Variants in RARB observed in about 807,000 individuals in gnomAD.
RARB encodes the protein retinoic acid receptor beta.
Under a neutral mutation model 51.9 loss-of-function variants are expected in RARB, and 17 were observed. The observed-to-expected ratio is 0.33, with a 90% CI of 0.22 to 0.49. The LOEUF (loss-of-function observed/expected upper bound fraction) is 0.49. RARB is among the 20% of genes least tolerant of loss of function. The pLI is 0.99. For missense variants in RARB, 369 were observed against 550.8 expected, an observed-to-expected ratio of 0.67 and a Z score of 3.30; for synonymous variants, 215 against 195.4, an observed-to-expected ratio of 1.10 and a Z score of -0.84.
chr3:25,115,632 T>C (rs143823930), intron 3 of RARB, among the ~76,000 whole-genome samples: 3 of 151,596 alleles, frequency 2.0e-5, no homozygotes, highest in Admixed American at 6.6e-5. Context: ...TTCTTTTTTT[T>C]CCTTTCTTTT....
At chr3:25,157,498 G>A (rs1700398233) in intron 4 of RARB, among the ~76,000 whole-genome samples, 1 of 151,888 alleles carries the variant, frequency 6.6e-6, no homozygotes, top group African/African-American at 2.4e-5. Flanking sequence ...CAGCCTCCCA[G>A]GTGATTCTCC....
intron 2 of RARB, among the ~76,000 whole-genome samples, chr3:24,960,551 G>A (rs1696116999): frequency 6.6e-6 from 1 of 152,130 alleles, no homozygotes; most frequent in African/African-American, 2.4e-5. Context: ...CAGAGGAAGT[G>A]GTGACAAGAG....
At chr3:24,893,578 G>T (rs893438044) in intron 2 of RARB, among the ~76,000 whole-genome samples, 5 of 152,124 alleles carry the variant, frequency 3.3e-5, no homozygotes, top group African/African-American at 1.2e-4. Flanking sequence ...CTGGAGTGCA[G>T]TAGATCATAG....
intron 2 of RARB, among the ~76,000 whole-genome samples, chr3:25,486,421 A>G (rs1423272313): frequency 6.6e-6 from 1 of 152,206 alleles, no homozygotes; most frequent in Non-Finnish European, 1.5e-5. Context: ...GGGTAGAGGT[A>G]GAAGTCACTT....
At chr3:25,374,195 A>G (rs901834885) in intron 5 of RARB, among the ~76,000 whole-genome samples, 3 of 152,100 alleles carry the variant, frequency 2.0e-5, no homozygotes, top group African/African-American at 7.2e-5. Context: ...TAGAGAGCAC[A>G]GTAACACACG....
chr3:25,264,990 T>C (rs1342681170), intron 5 of RARB, among the ~76,000 whole-genome samples: 2 of 152,286 alleles, frequency 1.3e-5, no homozygotes, highest in East Asian at 3.9e-4. Context: ...GATAAAGCTC[T>C]CAGAAATAGT....
At position 24,878,917 on chromosome 3, in the gene RARB, A is replaced by G. The variant is rs897323579; in HGVS notation, c.-380+20165A>G. Among the ~76,000 whole-genome samples the G allele has an allele frequency of 3.3e-5, 5 of 152,284 alleles. No homozygotes were observed. In the South Asian group the frequency reaches 6.2e-4, roughly 19 times the overall value. On this transcript the variant is annotated intron_variant, in intron 2 of 11. Transcript: ENST00000383772. ...TATTTCATTTTTATTTTTCAAATTT[A>G]TTTAGTTGTAAAATTTCTCATTTTT... is the stretch of plus-strand genomic sequence containing the variant.
At chr3:25,380,767 G>T (rs575424121) in intron 5 of RARB, among the ~76,000 whole-genome samples, 2 of 152,026 alleles carry the variant, frequency 1.3e-5, no homozygotes, top group Admixed American at 6.6e-5. Flanking sequence ...AGCATCTTTC[G>T]TCTCCCTCCC....
chr3:25,009,935 C>G (rs536225924), intron 2 of RARB, among the ~76,000 whole-genome samples: 1 of 152,224 alleles, frequency 6.6e-6, no homozygotes, highest in East Asian at 1.9e-4. Context: ...TCAGGGACAG[C>G]ACTGACGTCA....
At chr3:25,330,329 T>C (rs1287751663) in intron 5 of RARB, among the ~76,000 whole-genome samples, 1 of 152,192 alleles carries the variant, frequency 6.6e-6, no homozygotes, top group East Asian at 1.9e-4. Context: ...GCAGACACTC[T>C]GCAAGCCAGA....
intron 5 of RARB, among the ~76,000 whole-genome samples, chr3:25,394,435 C>A (rs55764952): frequency 0.025 from 3,735 of 152,170 alleles, 159 homozygotes; most frequent in African/African-American, 0.084. Context: ...GGTATAGTTT[C>A]AGTCCACTGT....
intron 5 of RARB, among the ~76,000 whole-genome samples, chr3:25,226,933 A>T (rs1702068332): frequency 6.6e-6 from 1 of 152,368 alleles, no homozygotes; most frequent in East Asian, 1.9e-4. Flanking sequence ...GAGACCAATT[A>T]TATGATAGCC....
chr3:25,160,281 A>G (rs1166058460), intron 4 of RARB, among the ~76,000 whole-genome samples: 1 of 152,218 alleles, frequency 6.6e-6, no homozygotes, highest in East Asian at 1.9e-4. Context: ...CCAAATGAAC[A>G]TTTTAACATT....
chr3:25,052,684 G>C (rs1559448542), intron 2 of RARB, among the ~76,000 whole-genome samples: 1 of 152,146 alleles, frequency 6.6e-6, no homozygotes, highest in Admixed American at 6.5e-5. Flanking sequence ...CATGCAGGAA[G>C]TTCTTCAGGT....
chr3:24,832,198 A>G (rs1702291397), intron 1 of RARB, among the ~76,000 whole-genome samples: 1 of 152,230 alleles, frequency 6.6e-6, no homozygotes, highest in Admixed American at 6.5e-5. Flanking sequence ...TGTGGTTAAG[A>G]AGGATCAATC....
intron 1 of RARB, among the ~76,000 whole-genome samples, chr3:25,453,752 C>T (rs190285375): frequency 1.5e-3 from 230 of 152,258 alleles, no homozygotes; most frequent in African/African-American, 5.2e-3. Flanking sequence ...GGCCAGGATC[C>T]CTGGTGACCC....
chr3:25,187,888 A>G (rs1000290496), intron 5 of RARB, among the ~76,000 whole-genome samples: 4 of 152,142 alleles, frequency 2.6e-5, no homozygotes, highest in Admixed American at 1.3e-4. Flanking sequence ...GTTTGAGACA[A>G]CACAGATATT....
At chr3:25,442,116 T>TTTTTTTTATTTA (rs370911783) in intron 1 of RARB, among the ~76,000 whole-genome samples, 1 of 147,744 alleles carries the variant, frequency 6.8e-6, no homozygotes, top group African/African-American at 2.5e-5. Context: ...TTTATTTTAT[T>TTTTTTTTATTTA]TTTATTTATT....
rs139874838 is a variant in RARB at position 24,943,376 on chromosome 3, C to T, written c.-380+84624C>T. On this transcript the variant is annotated intron_variant, in intron 2 of 11. Coordinates refer to the RARB transcript ENST00000383772. ...CTCTTGTTATCGTAAATGGAATTTG[C>T]GTGCCTAATTCTCTTCCCTCCATAT... Among the ~76,000 whole-genome samples, 1,278 of 152,186 alleles carry T rather than the reference C, an allele frequency of 8.4e-3. 17 individuals are homozygous for T. The highest frequency in any genetic ancestry group is 0.03 in the African/African-American group (1,227 of 41,514).
Sources: gnomAD v4.1 joint callset for allele counts (sites outside exome capture counted in the v4.1 genomes callset) on GRCh38, gnomAD v4.1.1 for gene constraint, MANE v1.5 for transcripts, NCBI Gene and HGNC (gene_info 2026-07-23, HGNC 2026-07-21) for gene names.